Variants in TRPS1 observed in about 807,000 individuals in gnomAD.
TRPS1 encodes the protein zinc finger transcription factor Trps1.
In TRPS1, 6 loss-of-function variants were observed where a neutral mutation model predicts 101.2. The ratio of observed to expected loss-of-function variants is 0.06; its 90% CI spans 0.03 to 0.12. The LOEUF is 0.12. Among genes scored for constraint, TRPS1 ranks in the 10% least tolerant of loss-of-function variants. TRPS1 has a pLI of 1.00. For synonymous variants in TRPS1, 578 were observed against 589.8 expected, an observed-to-expected ratio of 0.98 and a Z score of 0.29; for missense variants, 1,363 against 1,567.0, an observed-to-expected ratio of 0.87 and a Z score of 2.20.
rs1445062234 is a variant in TRPS1 at position 115,563,167 on chromosome 8, C to T, written c.2700+23834G>A. On this transcript the variant is annotated intron_variant, in intron 5 of 6. Coordinates refer to ENST00000395715, the MANE Select transcript of TRPS1 (RefSeq NM_014112.5). Reference sequence around the variant, plus strand: ...AAAAACGTCCCACCCAACAAACATGCATCACTAAAAAGAACTGCAAGTCCT... The same window carrying T: ...AAAAACGTCCCACCCAACAAACATGTATCACTAAAAAGAACTGCAAGTCCT... Among the ~76,000 whole-genome samples, 4 of 151,990 alleles carry T rather than the reference C, an allele frequency of 2.6e-5. No homozygotes were observed. In the East Asian group the frequency reaches 5.8e-4, roughly 22 times the overall value.
At chr8:115,417,097 T>TCA (rs937766602) in intron 6 of TRPS1, among the ~76,000 whole-genome samples, 1 of 152,196 alleles carries the variant, frequency 6.6e-6, no homozygotes, top group Non-Finnish European at 1.5e-5. Flanking sequence ...AGTTTATATC[T>TCA]CAGTGGTTAA....
intron 1 of TRPS1, among the ~76,000 whole-genome samples, chr8:115,646,324 T>A (rs2721962): frequency 0.49 from 74,094 of 151,942 alleles, 20,939 homozygotes; most frequent in African/African-American, 0.78. Context: ...ACAGAGCCAC[T>A]TCACAAAAAG....
At chr8:115,659,041 A>T (rs143914738) in intron 1 of TRPS1, among the ~76,000 whole-genome samples, 413 of 152,248 alleles carry the variant, frequency 2.7e-3, no homozygotes, top group African/African-American at 9.4e-3. Flanking sequence ...CTTTAAAAAT[A>T]GAATAAACAG....
At chr8:115,590,051 A>C (rs972709830) in intron 4 of TRPS1, among the ~76,000 whole-genome samples, 1 of 152,108 alleles carries the variant, frequency 6.6e-6, no homozygotes, top group Non-Finnish European at 1.5e-5. Flanking sequence ...TGGGAGGCGG[A>C]GGTTGCAGTG....
At chr8:115,505,932 T>C (rs1011033379) in intron 5 of TRPS1, among the ~76,000 whole-genome samples, 3 of 82,930 alleles carry the variant, frequency 3.6e-5, no homozygotes, top group African/African-American at 1.4e-4. Flanking sequence ...TTTGGAAAGT[T>C]GTATATGGGT....
intron 5 of TRPS1, among the ~76,000 whole-genome samples, chr8:115,464,877 G>C (rs1814279079): frequency 6.6e-6 from 1 of 151,972 alleles, no homozygotes; most frequent in South Asian, 2.1e-4. Flanking sequence ...CAGATCATAG[G>C]AACAAAGTCA....
intron 5 of TRPS1, among the ~76,000 whole-genome samples, chr8:115,548,967 A>G (rs748597407): frequency 1.3e-5 from 2 of 152,188 alleles, no homozygotes; most frequent in Non-Finnish European, 2.9e-5. Context: ...GACAAGTGGC[A>G]CTGAGCTGGT....
intron 5 of TRPS1, among the ~76,000 whole-genome samples, chr8:115,422,651 C>T (rs1813096206): frequency 6.6e-6 from 1 of 152,194 alleles, no homozygotes; most frequent in Non-Finnish European, 1.5e-5. Flanking sequence ...CAGGTGTGAG[C>T]CACCGCACCC....
At chr8:115,622,894 A>G (rs1397928534) in intron 2 of TRPS1, among the ~76,000 whole-genome samples, 1 of 152,164 alleles carries the variant, frequency 6.6e-6, no homozygotes, top group Non-Finnish European at 1.5e-5. Flanking sequence ...TTTAAATAGC[A>G]AGGGAACCAA....
intron 5 of TRPS1, among the ~76,000 whole-genome samples, chr8:115,495,410 T>C: frequency 6.6e-6 from 1 of 151,344 alleles, no homozygotes; most frequent in Non-Finnish European, 1.5e-5. Flanking sequence ...TATAGTCTGA[T>C]AGATCTTATG....
chr8:115,462,502 A>G (rs1814205778), intron 5 of TRPS1, among the ~76,000 whole-genome samples: 1 of 152,186 alleles, frequency 6.6e-6, no homozygotes, highest in Admixed American at 6.6e-5. Context: ...AAGCAAATTC[A>G]TGAATGTAAG....
chr8:115,625,674 G>A (rs1818489758), intron 1 of TRPS1, among the ~76,000 whole-genome samples: 1 of 151,760 alleles, frequency 6.6e-6, no homozygotes, highest in Non-Finnish European at 1.5e-5. Flanking sequence ...TGACTATAAG[G>A]AACTCCTCAA....
intron 5 of TRPS1, among the ~76,000 whole-genome samples, chr8:115,482,058 T>C (rs2130067336): frequency 6.6e-6 from 1 of 152,214 alleles, no homozygotes; most frequent in Admixed American, 6.6e-5. Context: ...ATAACGTGGA[T>C]GTTGGGGGAA....
At chr8:115,518,017 T>A (rs1815759207) in intron 5 of TRPS1, among the ~76,000 whole-genome samples, 1 of 124 alleles carries the variant, frequency 8.1e-3, no homozygotes. Flanking sequence ...CTTCCAAACA[T>A]CCACCAGTGT....
chr8:115,451,970 C>A (rs1477236279), intron 5 of TRPS1, among the ~76,000 whole-genome samples: 2 of 152,160 alleles, frequency 1.3e-5, no homozygotes, highest in Non-Finnish European at 2.9e-5. Flanking sequence ...CCTCCCCAAC[C>A]CCCACTTCTA....
chr8:115,556,203 TCCC>T, intron 5 of TRPS1, among the ~76,000 whole-genome samples: 1 of 152,210 alleles, frequency 6.6e-6, no homozygotes, highest in South Asian at 2.1e-4. Context: ...AATTATTGCT[TCCC>T]CCTGAAAGTT....
intron 6 of TRPS1, among the ~76,000 whole-genome samples, chr8:115,416,254 A>T (rs1812916516): frequency 6.6e-6 from 1 of 151,928 alleles, no homozygotes; most frequent in Admixed American, 6.6e-5. Context: ...ATATAATATG[A>T]CTTAAATCCA....
At chr8:115,591,222 G>A (rs973584146) in intron 4 of TRPS1, among the ~76,000 whole-genome samples, 1 of 152,174 alleles carries the variant, frequency 6.6e-6, no homozygotes, top group Admixed American at 6.5e-5. Flanking sequence ...AAAACCTTGG[G>A]AGGTAAGGAT....
chr8:115,653,610 C>T (rs1354704773), intron 1 of TRPS1, among the ~76,000 whole-genome samples: 2 of 151,342 alleles, frequency 1.3e-5, no homozygotes, highest in South Asian at 2.1e-4. Flanking sequence ...TAACTATTTA[C>T]AAGATATTTA....
Sources: allele counts gnomAD v4.1 joint callset (sites outside exome capture counted in the v4.1 genomes callset), GRCh38; gene constraint gnomAD v4.1.1; transcripts MANE v1.5; gene names NCBI Gene and HGNC (gene_info 2026-07-23, HGNC 2026-07-21).